The following F11 variants were observed in gnomAD, a reference collection of about 807,000 sequenced individuals.
F11 encodes the protein coagulation factor XI.
F11 carries 78 observed loss-of-function variants against 76.5 expected under a neutral mutation model. That is an observed-to-expected ratio of 1.02 (90% CI 0.85 to 1.23). F11 has a LOEUF of 1.23. F11 is among the 50% of genes most tolerant of loss of function. The pLI is 0.00. For missense variants in F11, 742 were observed against 771.4 expected, an observed-to-expected ratio of 0.96 and a Z score of 0.45; for synonymous variants, 278 against 276.3, an observed-to-expected ratio of 1.01 and a Z score of -0.06.
Position 186,289,100 on chromosome 4 carries a change from G to T in F11, c.*486G>T, listed in dbSNP as rs1741416762. 1.3e-5 allele frequency: 2 copies of T among 159,062 alleles called. No individual in the cohort carries two copies. The highest frequency in any genetic ancestry group is 1.8e-4 in the East Asian group (1 of 5,546). 9.9% of individuals were successfully genotyped at this position (159,062 alleles called of 1,614,324 possible). A position where few individuals can be genotyped will look rare whatever the true frequency, so the allele number is the denominator to read the frequency against. On this transcript the variant is annotated 3_prime_UTR_variant, in exon 15 of 15. Transcript: ENST00000403665. ...TCTTTTGTAAAGAAAGAAATTGATT[G>T]CATTTAATGGCAGATTTTCAGAATA... is the stretch of plus-strand genomic sequence containing the variant.
chr4:186,266,867 C>T (rs990846430), intron 1 of F11, among the ~76,000 whole-genome samples: 3 of 151,562 alleles, frequency 2.0e-5, no homozygotes, highest in East Asian at 1.9e-4. Context: ...AGCGGCGGGG[C>T]CGGCGGGGAA....
At chr4:186,272,644 A>G (rs1740064096) in intron 3 of F11, among the ~76,000 whole-genome samples, 1 of 152,232 alleles carries the variant, frequency 6.6e-6, no homozygotes, top group Non-Finnish European at 1.5e-5. Flanking sequence ...GGATTGGCAA[A>G]TGTCTTCTTA....
At chr4:186,283,288 G>A (rs944788734) in intron 10 of F11, among the ~76,000 whole-genome samples, 7 of 152,042 alleles carry the variant, frequency 4.6e-5, no homozygotes, top group Admixed American at 2.0e-4. Context: ...TGCTGTCTAC[G>A]AACACCCTAT....
intron 11 of F11, 94 bp downstream of exon 11, chr4:186,284,354 A>T: frequency 1.6e-6 from 2 of 1,255,358 alleles, no homozygotes; most frequent in South Asian, 2.6e-5. Context: ...TTAACCAATT[A>T]GATTGTCTTA....
At chr4:186,269,955 A>G (rs759140463) in intron 2 of F11, among the ~76,000 whole-genome samples, 1 of 152,244 alleles carries the variant, frequency 6.6e-6, no homozygotes, top group Non-Finnish European at 1.5e-5. Flanking sequence ...AATACGTAAT[A>G]GCGGAATATT....
rs1252148735 is a variant in F11 at position 186,289,454 on chromosome 4, T to G, written c.*840T>G. 6.6e-6 allele frequency among the ~76,000 whole-genome samples: 1 copy of G among 152,094 alleles called. No individual in the cohort carries two copies. Among genetic ancestry groups the G allele is most frequent in the African/African-American group, 2.4e-5 (1 of 41,404 alleles). On this transcript the variant is annotated 3_prime_UTR_variant, in exon 15 of 15. Transcript: ENST00000403665. ...AGATCGTATATTTATTTGACAAAAA[T>G]CACCATAGACTGCATCCATACTACA...
intron 10 of F11, chr4:186,282,903 A>G: frequency 3.0e-6 from 3 of 985,320 alleles, no homozygotes; most frequent in Non-Finnish European, 3.6e-6. Flanking sequence ...TTTTCCTACC[A>G]AGGAAAAAAA....
chr4:186,276,390 G>A lies in F11; in HGVS notation c.755G>A (p.Arg252Lys). The A allele has an allele frequency of 1.9e-6, 3 of 1,613,864 alleles. No homozygotes were observed. The highest frequency in any genetic ancestry group is 2.5e-6 in the Non-Finnish European group (3 of 1,179,934). Residue 252 changes from arginine to lysine, a missense_variant and splice_region_variant, in exon 7 of 15, where the codon AGA becomes AAA. By Grantham distance (26) the Arg-to-Lys change is conservative (BLOSUM62 2). Coordinates refer to ENST00000403665, the MANE Select transcript of F11 (RefSeq NM_000128.4). ...FSQEWPKESQ[R>K]NLCLLKTSES... ...CAGGAATGGCCCAAAGAATCTCAAA[G>A]GTAAGGAGTTAACAAGTAAGGATAA...
chr4:186,267,472 G>A (rs1289962692), intron 2 of F11, among the ~76,000 whole-genome samples: 1 of 152,148 alleles, frequency 6.6e-6, no homozygotes, highest in Non-Finnish European at 1.5e-5. Flanking sequence ...TTAAAAAGAA[G>A]AAATCTTGAT....
chr4:186,280,543 C>A lies in F11; in HGVS notation c.1098C>A (p.Ile366=), dbSNP rs951170069. The part of the protein sequence containing the change: ...PTKILHGRGG[I]SGYTLRLCKM... ...AAATACTTCACGGGAGAGGAGGCAT[C>A]TCTGGATACACATTAAGGTTGTGTA... Residue 366 remains isoleucine, a synonymous_variant, in exon 10 of 15, where the codon ATC becomes ATA. Coordinates refer to ENST00000403665, the MANE Select transcript of F11 (RefSeq NM_000128.4). 1.2e-6 allele frequency: 2 copies of A among 1,614,106 alleles called. No individual in the cohort carries two copies. Among genetic ancestry groups the A allele is most frequent in the Non-Finnish European group, 1.7e-6 (2 of 1,179,984 alleles).
In F11 at chr4:186,276,367, G is replaced by A. The variant is rs773153179; in HGVS notation, c.732G>A (p.Gln244=). Residue 244 remains glutamine (Q), a synonymous_variant, in exon 7 of 15, where the codon CAG becomes CAA. Transcript: ENST00000403665. ...PGCLFFTFFS[Q]EWPKESQRNL... ...GCTTGTTTTTTACCTTCTTTTCCCA[G>A]GAATGGCCCAAAGAATCTCAAAGGT... is the stretch of plus-strand genomic sequence containing the variant. The A allele has an allele frequency of 6.2e-7, 1 of 1,613,922 alleles. No individual in the cohort carries two copies. The highest frequency in any genetic ancestry group is 8.5e-7 in the Non-Finnish European group (1 of 1,179,992).
intron 1 of F11, 61 bp from the exon 2 acceptor site, chr4:186,267,075 G>A: frequency 2.7e-6 from 3 of 1,101,972 alleles, no homozygotes; most frequent in Non-Finnish European, 4.2e-6. Context: ...CTTAGTGTCA[G>A]TAAACTAATT....
At chr4:186,285,512 T>C (rs1741128814) in intron 11 of F11, 126 bp from the exon 12 acceptor site, 1 of 994,078 alleles carries the variant, frequency 1.0e-6, no homozygotes, top group South Asian at 1.4e-5. Flanking sequence ...AAAATCACTT[T>C]TTTCTACCTA....
At position 186,275,827 on chromosome 4, in the gene F11, A is replaced by G. The variant is rs909066270; in HGVS notation, c.526A>G (p.Thr176Ala). 3.1e-6 allele frequency: 5 copies of G among 1,613,730 alleles called. No individual in the cohort carries two copies. Among genetic ancestry groups the G allele is most frequent in the Non-Finnish European group, 4.2e-6 (5 of 1,179,794 alleles). ...LLKHTQTGTPTRITKLDKVVS... is the reference protein window; with the variant it reads ...LLKHTQTGTPARITKLDKVVS... ...GAAGCACACCCAAACAGGGACACCA[A>G]CCAGAATAACGAAGCTCGATAAAGT... is the stretch of plus-strand genomic sequence containing the variant. Residue 176 changes from threonine (T) to alanine (A), a missense_variant, in exon 6 of 15, where the codon ACC becomes GCC. Transcript: ENST00000403665.
rs370328133 is a variant in F11, at chr4:186,285,817, C to T, written c.1480+4C>T. ...GAAACCACAGTGAATTACACAGGTA[C>T]GGAGAATTTTATCCGGAAAGTTGTC... On this transcript the variant is annotated splice_donor_region_variant and intron_variant, in intron 12 of 14. Coordinates refer to ENST00000403665, the MANE Select transcript of F11 (RefSeq NM_000128.4). The T allele has an allele frequency of 1.1e-4, 185 of 1,613,900 alleles. 1 individual carries two copies. Among genetic ancestry groups the T allele is most frequent in the Non-Finnish European group, 1.4e-4 (161 of 1,179,982 alleles).
chr4:186,270,493 C>T (rs1325364721), intron 2 of F11, among the ~76,000 whole-genome samples: 1 of 152,114 alleles, frequency 6.6e-6, no homozygotes, highest in Non-Finnish European at 1.5e-5. Context: ...GTGTACCCAT[C>T]ACCCAAGTAG....
intron 10 of F11, among the ~76,000 whole-genome samples, chr4:186,283,824 G>A (rs377121429): frequency 5.9e-5 from 9 of 152,168 alleles, no homozygotes; most frequent in East Asian, 3.9e-4. Flanking sequence ...CACCATTCAC[G>A]TTATCATTTG....
chr4:186,270,354 T>G (rs554835730), intron 2 of F11, among the ~76,000 whole-genome samples: 1 of 152,226 alleles, frequency 6.6e-6, no homozygotes, highest in Admixed American at 6.5e-5. Flanking sequence ...ATTGTATCTG[T>G]ACTCAACGTG....
intron 10 of F11, 42 bp downstream of exon 10, chr4:186,280,622 A>G (rs753393958): frequency 7.2e-7 from 1 of 1,397,604 alleles, no homozygotes; most frequent in Non-Finnish European, 1.0e-6. Flanking sequence ...TGAAGGAATT[A>G]TTCCATGCTT....
Sources: allele counts gnomAD v4.1 joint callset (sites outside exome capture counted in the v4.1 genomes callset), GRCh38; gene constraint gnomAD v4.1.1; transcripts MANE v1.5; gene names NCBI Gene and HGNC (gene_info 2026-07-23, HGNC 2026-07-21).